The following MAP3K2 variants were observed in gnomAD, a reference collection of about 807,000 sequenced individuals.
MAP3K2 encodes MAP/ERK kinase kinase 2.
MAP3K2 carries 24 observed loss-of-function variants against 80.3 expected under a neutral mutation model. The ratio of observed to expected loss-of-function variants is 0.30; its 90% CI spans 0.22 to 0.42. The LOEUF is 0.42. Ranked by LOEUF, MAP3K2 falls within the 10% of genes least tolerant of loss-of-function variation. MAP3K2 has a pLI of 1.00. For missense variants in MAP3K2, 608 were observed against 750.1 expected (o/e 0.81, Z 2.21); for synonymous variants, 244 against 253.7 (o/e 0.96, Z 0.36).
rs72845963 is a variant in MAP3K2 at position 127,310,470 on chromosome 2, G to A, written c.1457-1708C>T. On this transcript the variant is annotated intron_variant, in intron 15 of 16. Transcript: ENST00000682094. The surrounding 1 kb of genome is among the most constrained non-coding windows in gnomAD (Gnocchi z 4.8). Reference sequence around the variant, plus strand: ...TCAAGGCCAGCCTAGGCAACGTGGTGAGACACCATCTCTACAAAAAAATAC... The same window carrying A: ...TCAAGGCCAGCCTAGGCAACGTGGTAAGACACCATCTCTACAAAAAAATAC... Among the ~76,000 whole-genome samples, 5,160 of 152,246 alleles carry A rather than the reference G, an allele frequency of 0.034. 124 individuals carry two copies. The highest frequency in any genetic ancestry group is 0.071 in the Middle Eastern group (21 of 294).
At chr2:127,333,991 C>CAGT (rs1686314098) in intron 5 of MAP3K2, among the ~76,000 whole-genome samples, 1 of 152,072 alleles carries the variant, frequency 6.6e-6, no homozygotes, top group Non-Finnish European at 1.5e-5. Context: ...CCCAGCTACT[C>CAGT]AGGAGGCTGA....
At position 127,298,832 on chromosome 2, in the gene MAP3K2, G is replaced by GGCCGTCAT. The variant is rs1685535636; in HGVS notation, c.*8746_*8747insATGACGGC. 1 of 152,068 alleles carries GGCCGTCAT rather than the reference G, an allele frequency of 6.6e-6. No homozygotes were observed. Among genetic ancestry groups the GGCCGTCAT allele is most frequent in the South Asian group, 2.1e-4 (1 of 4,828 alleles). 9.4% of individuals were successfully genotyped at this position (152,068 alleles called of 1,614,324 possible). A position where few individuals can be genotyped will look rare whatever the true frequency, so the allele number is the denominator to read the frequency against. On this transcript the variant is annotated 3_prime_UTR_variant, in exon 17 of 17. Coordinates refer to ENST00000682094, the MANE Select transcript of MAP3K2 (RefSeq NM_001371910.2). ...AGTTTTCATTGTGCTAATTATTGCA[G>GGCCGTCAT]GCCTTCATGCACGTAAACCTCAACA...
intron 1 of MAP3K2, among the ~76,000 whole-genome samples, chr2:127,382,203 A>G (rs904785170): frequency 7.9e-5 from 12 of 152,234 alleles, no homozygotes; most frequent in Non-Finnish European, 1.8e-4. Context: ...TATCGCACCT[A>G]AGAAAAGTAA....
At chr2:127,340,112 A>G (rs892303692) in intron 2 of MAP3K2, among the ~76,000 whole-genome samples, 1 of 152,218 alleles carries the variant, frequency 6.6e-6, no homozygotes, top group Non-Finnish European at 1.5e-5. Flanking sequence ...TTATTTGCAT[A>G]TTAAAATTTA....
intron 1 of MAP3K2, among the ~76,000 whole-genome samples, chr2:127,376,893 A>G (rs934685689): frequency 9.2e-5 from 14 of 151,980 alleles, no homozygotes; most frequent in Admixed American, 5.2e-4. Context: ...CAGAGACCCT[A>G]CCTCTACAAA....
intron 1 of MAP3K2, among the ~76,000 whole-genome samples, chr2:127,381,828 T>C (rs1336809074): frequency 6.6e-6 from 1 of 152,022 alleles, no homozygotes; most frequent in East Asian, 1.9e-4. Context: ...GTCCAAAATG[T>C]TGAAATTAAA....
rs1170322011 is a variant in MAP3K2, at chr2:127,324,189, G to T, written c.730C>A (p.His244Asn). Residue 244 changes from histidine (H) to asparagine (N), a missense_variant, in exon 10 of 17, where the codon CAT becomes AAT. This residue lies in a region of MAP3K2 where 467 missense variants were observed against 521.9 expected (regional missense o/e 0.89). Coordinates refer to ENST00000682094, the MANE Select transcript of MAP3K2 (RefSeq NM_001371910.2). The stretch of plus-strand genomic sequence containing the variant: ...AAAGTCTAACCTGAAAATTCCTGAT[G>T]ATTATCTGGGTAGCTCTGAGCCCTA... ...MPRAQSYPDN[H>N]QEFSDYDNPI... is the part of the protein sequence containing the mutation. 1.9e-6 allele frequency: 3 copies of T among 1,554,920 alleles called. No individual in the cohort carries two copies. Among genetic ancestry groups the T allele is most frequent in the Non-Finnish European group, 2.6e-6 (3 of 1,150,770 alleles).
chr2:127,373,857 A>C (rs1049557238), intron 1 of MAP3K2, among the ~76,000 whole-genome samples: 2 of 152,226 alleles, frequency 1.3e-5, no homozygotes, highest in African/African-American at 4.8e-5. Flanking sequence ...GATTCCTTTA[A>C]GTAAAAAGCA....
intron 9 of MAP3K2, 66 bp from the exon 10 acceptor site, chr2:127,324,307 G>A: frequency 1.1e-6 from 1 of 945,706 alleles, no homozygotes; most frequent in East Asian, 2.7e-5. Flanking sequence ...GAAAATCTTT[G>A]AGCAATATCT....
intron 8 of MAP3K2, among the ~76,000 whole-genome samples, 185 bp downstream of exon 8, chr2:127,326,502 G>T (rs1686144200): frequency 1.3e-5 from 2 of 152,052 alleles, no homozygotes; most frequent in Non-Finnish European, 2.9e-5. Context: ...CTGTATTCCA[G>T]CTTTCTTTAT....
At position 127,312,181 on chromosome 2, in the gene MAP3K2, G is replaced by A. The variant is rs141560705; in HGVS notation, c.1456+2573C>T. ...AATATCTGTTCATTATTCTTTCTCCGCTTGTTAGCCAAAATACTTCTATGA... is the reference window on the plus strand; with the variant it reads ...AATATCTGTTCATTATTCTTTCTCCACTTGTTAGCCAAAATACTTCTATGA... On this transcript the variant is annotated intron_variant, in intron 15 of 16. Transcript: ENST00000682094. Among the ~76,000 whole-genome samples, 355 of 152,166 alleles carry A rather than the reference G, an allele frequency of 2.3e-3. 1 individual carries two copies. Among genetic ancestry groups the A allele is most frequent in the African/African-American group, 7.7e-3 (321 of 41,518 alleles).
At chr2:127,323,177 G>A (rs1686060459) in intron 11 of MAP3K2, among the ~76,000 whole-genome samples, 1 of 150,918 alleles carries the variant, frequency 6.6e-6, no homozygotes, top group African/African-American at 2.4e-5. Context: ...CAAGGCAAGT[G>A]GATCACTGGA....
intron 1 of MAP3K2, among the ~76,000 whole-genome samples, chr2:127,381,055 C>A (rs1477735812): frequency 6.6e-6 from 1 of 152,072 alleles, no homozygotes; most frequent in African/African-American, 2.4e-5. Context: ...ATTTTTGATA[C>A]AGGGTCTTGC....
At chr2:127,313,953 C>A (rs906121586) in intron 15 of MAP3K2, among the ~76,000 whole-genome samples, 1 of 152,162 alleles carries the variant, frequency 6.6e-6, no homozygotes, top group Non-Finnish European at 1.5e-5. Context: ...TACAGTCATG[C>A]ACCATCATGC....
intron 1 of MAP3K2, among the ~76,000 whole-genome samples, chr2:127,346,213 A>T (rs1226273482): frequency 1.3e-5 from 2 of 151,858 alleles, no homozygotes; most frequent in African/African-American, 4.8e-5. Context: ...TACATCAACA[A>T]ATTAGATGAC....
chr2:127,359,472 T>C (rs1686849101), intron 1 of MAP3K2, among the ~76,000 whole-genome samples: 1 of 152,216 alleles, frequency 6.6e-6, no homozygotes, highest in Admixed American at 6.5e-5. Context: ...AAGGATGTTG[T>C]ACAACTAAAA....
intron 1 of MAP3K2, among the ~76,000 whole-genome samples, chr2:127,376,109 A>T (rs1240607155): frequency 6.6e-6 from 1 of 152,224 alleles, no homozygotes; most frequent in African/African-American, 2.4e-5. Flanking sequence ...GAAAAACTGT[A>T]GGAAGATGCA....
At position 127,326,771 on chromosome 2, in the gene MAP3K2, T is replaced by C. The variant is rs1434000345; in HGVS notation, c.513A>G (p.Pro171=). 1.9e-6 allele frequency: 3 copies of C among 1,604,330 alleles called. No homozygotes were observed. Among genetic ancestry groups the C allele is most frequent in the Non-Finnish European group, 2.6e-6 (3 of 1,174,368 alleles). ...DRSSPPPGYI[P]DELHQVARNG... ...TCCGGGCAACCTGGTGTAATTCATCTGGAATGTAACCTGGGGGAGGAGAAC... is the reference window on the plus strand; with the variant it reads ...TCCGGGCAACCTGGTGTAATTCATCCGGAATGTAACCTGGGGGAGGAGAAC... The change falls in exon 8 of 17, where the codon CCA becomes CCG. Residue 171 remains proline (P), a synonymous_variant. Coordinates refer to ENST00000682094, the MANE Select transcript of MAP3K2 (RefSeq NM_001371910.2).
At chr2:127,330,209 A>G (rs1483112815) in intron 6 of MAP3K2, among the ~76,000 whole-genome samples, 183 bp downstream of exon 6, 7 of 152,178 alleles carry the variant, frequency 4.6e-5, no homozygotes, top group Admixed American at 4.6e-4. Context: ...ATACTTATTT[A>G]TAACTATGAC....
Sources: gnomAD v4.1 joint callset for allele counts (sites outside exome capture counted in the v4.1 genomes callset) on GRCh38, gnomAD v4.1.1 for gene constraint, gnomAD v4.1.1 regional missense constraint, Gnocchi (gnomAD v3.1) non-coding constraint, MANE v1.5 for transcripts, NCBI Gene and HGNC (gene_info 2026-07-23, HGNC 2026-07-21) for gene names.